Variants in PDZRN3 observed in about 807,000 individuals in gnomAD.
The protein encoded by PDZRN3 is PDZ domain containing ring finger 3.
PDZRN3 carries 38 observed loss-of-function variants against 85.7 expected under a neutral mutation model. The ratio of observed to expected loss-of-function variants is 0.44; its 90% CI spans 0.34 to 0.58. PDZRN3 has a LOEUF of 0.58. Ranked by LOEUF, PDZRN3 falls within the 20% of genes least tolerant of loss-of-function variation. The pLI is 0.01. For synonymous variants in PDZRN3, 759 were observed against 638.0 expected (o/e 1.19, Z -2.86); for missense variants, 1,629 against 1,506.4 (o/e 1.08, Z -1.35).
chr3:73,457,920 A>T (rs1418876399), intron 3 of PDZRN3, among the ~76,000 whole-genome samples: 1 of 152,192 alleles, frequency 6.6e-6, no homozygotes, highest in African/African-American at 2.4e-5. Flanking sequence ...TGCAAGAAGT[A>T]AAGTTCTGTT....
At chr3:73,416,812 TA>T in intron 3 of PDZRN3, among the ~76,000 whole-genome samples, 1 of 151,502 alleles carries the variant, frequency 6.6e-6, no homozygotes, top group East Asian at 1.9e-4. Context: ...AGAACCATAT[TA>T]AAAAATCCAA....
intron 1 of PDZRN3, among the ~76,000 whole-genome samples, chr3:73,615,320 C>T (rs1274562629): frequency 6.6e-6 from 1 of 152,174 alleles, no homozygotes; most frequent in Non-Finnish European, 1.5e-5. Flanking sequence ...GTCACTGACT[C>T]ATCTGCTTTT....
intron 3 of PDZRN3, among the ~76,000 whole-genome samples, chr3:73,575,987 G>C (rs1333742256): frequency 2.0e-5 from 3 of 152,228 alleles, no homozygotes; most frequent in Middle Eastern, 3.4e-3. Context: ...GGGGGATGAG[G>C]AAAGGAGGAC....
At chr3:73,481,437 T>A (rs1187210562) in intron 3 of PDZRN3, among the ~76,000 whole-genome samples, 4 of 151,454 alleles carry the variant, frequency 2.6e-5, no homozygotes, top group Non-Finnish European at 5.9e-5. Flanking sequence ...TTCAAGGGAT[T>A]CTTCTGCCTC....
At chr3:73,563,014 T>TATATATATATATATATA (rs1491432587) in intron 3 of PDZRN3, among the ~76,000 whole-genome samples, 47 of 20,210 alleles carry the variant, frequency 2.3e-3, no homozygotes, top group Admixed American at 3.9e-3. Context: ...TATATATATA[T>TATATATATATATATATA]TTTTTTTTTT....
rs1284062578 is a variant in PDZRN3 at position 73,481,229 on chromosome 3, CAG to C, written c.919-76836_919-76835del. ...GGCACAGCAGAGGGTAAATGGGTCA[CAG>C]TGCTCAGCCAGGAGTTTATCACTTC... On this transcript the variant is annotated intron_variant, in intron 3 of 9. Coordinates refer to ENST00000263666, the MANE Select transcript of PDZRN3 (RefSeq NM_015009.3). Among the ~76,000 whole-genome samples, 1,170 of 152,354 alleles carry C rather than the reference CAG, an allele frequency of 7.7e-3. 17 individuals are homozygous for C. Among genetic ancestry groups the C allele is most frequent in the African/African-American group, 0.027 (1,113 of 41,580 alleles).
At chr3:73,457,658 G>C (rs747832956) in intron 3 of PDZRN3, among the ~76,000 whole-genome samples, 5 of 152,086 alleles carry the variant, frequency 3.3e-5, no homozygotes, top group Non-Finnish European at 7.4e-5. Context: ...GAATGTATGT[G>C]TCTCTCCAAA....
rs116108151 is a variant in PDZRN3, at chr3:73,526,729, G to A, written c.918+75625C>T. On this transcript the variant is annotated intron_variant, in intron 3 of 9. Coordinates refer to ENST00000263666, the MANE Select transcript of PDZRN3 (RefSeq NM_015009.3). ...TTTCCAGACAGTCTCAGTCTGTTGC[G>A]CAGGCTGGAGTGCAGTGGGGTGATC... Among the ~76,000 whole-genome samples, 298 of 152,200 alleles carry A rather than the reference G, an allele frequency of 2.0e-3. 1 individual carries two copies. The highest frequency in any genetic ancestry group is 6.7e-3 in the African/African-American group (277 of 41,540).
chr3:73,554,595 G>A (rs921104753), intron 3 of PDZRN3, among the ~76,000 whole-genome samples: 1 of 152,132 alleles, frequency 6.6e-6, no homozygotes, highest in Admixed American at 6.5e-5. Context: ...ACCATGGACT[G>A]TCACACTGCA....
chr3:73,430,885 T>C (rs563023026), intron 3 of PDZRN3, among the ~76,000 whole-genome samples: 1 of 152,310 alleles, frequency 6.6e-6, no homozygotes, highest in East Asian at 1.9e-4. Flanking sequence ...ACCTTAATAG[T>C]GCTTCTGAGT....
In PDZRN3 at chr3:73,510,385, G is replaced by A. The variant is rs369944428; in HGVS notation, c.918+91969C>T. 2.4e-4 allele frequency among the ~76,000 whole-genome samples: 37 copies of A among 152,278 alleles called. 1 individual carries two copies. Among genetic ancestry groups the A allele is most frequent in the East Asian group, 2.3e-3 (12 of 5,186 alleles). Reference sequence around the variant, plus strand: ...AGAAGAAACACTAGCACATATACACGCACAAGGAAAAAGGTCTATGAAGGC... The same window carrying A: ...AGAAGAAACACTAGCACATATACACACACAAGGAAAAAGGTCTATGAAGGC... On this transcript the variant is annotated intron_variant, in intron 3 of 9. Transcript: ENST00000263666.
At chr3:73,396,767 A>G (rs1701646202) in intron 5 of PDZRN3, among the ~76,000 whole-genome samples, 1 of 152,204 alleles carries the variant, frequency 6.6e-6, no homozygotes, top group Admixed American at 6.5e-5. Flanking sequence ...TCGCCTGGGA[A>G]ATTAAAACAA....
intron 3 of PDZRN3, among the ~76,000 whole-genome samples, chr3:73,507,909 A>G (rs1007222417): frequency 2.6e-5 from 4 of 152,130 alleles, no homozygotes; most frequent in Non-Finnish European, 5.9e-5. Flanking sequence ...CCTGGCCAAC[A>G]TGGTAAAACC....
At chr3:73,608,266 GT>G (rs1209527063) in intron 2 of PDZRN3, among the ~76,000 whole-genome samples, 1 of 152,100 alleles carries the variant, frequency 6.6e-6, no homozygotes, top group East Asian at 1.9e-4. Flanking sequence ...ACGGTGGCTG[GT>G]TACCCAGTTC....
chr3:73,615,988 C>A (rs970337618), intron 1 of PDZRN3, among the ~76,000 whole-genome samples: 1 of 152,164 alleles, frequency 6.6e-6, no homozygotes, highest in South Asian at 2.1e-4. Flanking sequence ...GGGGTGGACA[C>A]CTCATGAAGA....
At chr3:73,498,048 T>C (rs750523284) in intron 3 of PDZRN3, among the ~76,000 whole-genome samples, 3 of 152,234 alleles carry the variant, frequency 2.0e-5, no homozygotes, top group Non-Finnish European at 4.4e-5. Context: ...AGATCTGTTA[T>C]ATCTGAAGTT....
intron 3 of PDZRN3, chr3:73,408,378 G>A: frequency 3.3e-6 from 2 of 597,900 alleles, no homozygotes; most frequent in Non-Finnish European, 3.0e-6. Flanking sequence ...GTGCTCGTGG[G>A]GATCCTGTAG....
intron 3 of PDZRN3, among the ~76,000 whole-genome samples, chr3:73,419,251 C>T (rs1468713835): frequency 2.0e-5 from 3 of 152,064 alleles, no homozygotes; most frequent in Admixed American, 6.6e-5. Flanking sequence ...ATGTACATGA[C>T]TTTGATTATG....
rs1432549021 is a variant in PDZRN3 at position 73,388,036 on chromosome 3, C to G, written c.1450G>C (p.Ala484Pro). ...TCTTCACTGGTTAGAAGAGCCACAGCCTCTTCACGGTTCTGCACCTCTATC... is the reference window on the plus strand; with the variant it reads ...TCTTCACTGGTTAGAAGAGCCACAGGCTCTTCACGGTTCTGCACCTCTATC... The part of the protein sequence containing the change: ...NGIEVQNREE[A>P]VALLTSEENK... Residue 484 changes from alanine to proline, a missense_variant, in exon 8 of 10, where the codon GCT becomes CCT. Transcript: ENST00000263666. 2 of 1,593,182 alleles carry G rather than the reference C, an allele frequency of 1.3e-6. No homozygotes were observed. Among genetic ancestry groups the G allele is most frequent in the African/African-American group, 1.3e-5 (1 of 74,142 alleles).
Sources: allele counts gnomAD v4.1 joint callset (sites outside exome capture counted in the v4.1 genomes callset), GRCh38; gene constraint gnomAD v4.1.1; transcripts MANE v1.5; gene names NCBI Gene and HGNC (gene_info 2026-07-23, HGNC 2026-07-21).